WFDC9: variants seen among roughly 807,000 people sequenced by gnomAD.
The protein encoded by WFDC9 is WAP four-disulfide core domain 9.
Under a neutral mutation model 9.5 loss-of-function variants are expected in WFDC9, and 9 were observed. The observed-to-expected ratio is 0.95, with a 90% confidence interval of 0.57 to 1.65. WFDC9 has a LOEUF of 1.65. Ranked by LOEUF, WFDC9 falls within the 40% of genes most tolerant of loss-of-function variation. WFDC9 has a pLI of 0.00. For synonymous variants in WFDC9, 33 were observed against 32.3 expected (o/e 1.02, Z -0.07); for missense variants, 87 against 106.7 (o/e 0.82, Z 0.81).
At chr20:45,630,025 T>C in intron 1 of WFDC9, 1 of 1,381,174 alleles carries the variant, frequency 7.2e-7, no homozygotes, top group Non-Finnish European at 9.9e-7. Context: ...CTGACCACAA[T>C]GTTGTGTAGA....
intron 1 of WFDC9, among the ~76,000 whole-genome samples, chr20:45,616,170 A>G (rs946932840): frequency 6.6e-6 from 1 of 152,232 alleles, no homozygotes; most frequent in Admixed American, 6.5e-5. Context: ...AATTTCGGTC[A>G]ATCCTCTCAA....
rs1171032110 is a variant in WFDC9, at chr20:45,610,190, C to G, written c.-9G>C. On this transcript the variant is annotated 5_prime_UTR_variant, in exon 3 of 5. Coordinates refer to ENST00000326000, the MANE Select transcript of WFDC9 (RefSeq NM_147198.4). ...AGAATCCAGGGCTTCATGGTGCTCTCTGTGTGTATTTGGGTTAAGTTCTGG... is the reference window on the plus strand; with the variant it reads ...AGAATCCAGGGCTTCATGGTGCTCTGTGTGTGTATTTGGGTTAAGTTCTGG... 2 of 1,613,392 alleles carry G rather than the reference C, an allele frequency of 1.2e-6. No individual in the cohort carries two copies. Among genetic ancestry groups the G allele is most frequent in the African/African-American group, 2.7e-5 (2 of 74,876 alleles).
chr20:45,615,196 C>A (rs1981946216), intron 1 of WFDC9, among the ~76,000 whole-genome samples: 1 of 152,126 alleles, frequency 6.6e-6, no homozygotes, highest in Non-Finnish European at 1.5e-5. Context: ...AAGTAGATGA[C>A]CACCTAACAA....
Position 45,608,116 on chromosome 20 carries a change from G to A in WFDC9, c.264C>T (p.Asn88=), listed in dbSNP as rs1568650787. The change falls in exon 5 of 5, where the codon AAC becomes AAT. Residue 88 remains asparagine (N), a synonymous_variant. Transcript: ENST00000326000. ...DNEEPLKSML[N]P ...AGTGATCGGCCAATAGAATCTAGGG[G>A]TTTAGCATTGATTTAAGGGGCTCTC... 1 of 1,613,330 alleles carries A rather than the reference G, an allele frequency of 6.2e-7. No individual in the cohort carries two copies. The highest frequency in any genetic ancestry group is 2.2e-5 in the East Asian group (1 of 44,858).
At position 45,624,416 on chromosome 20, in the gene WFDC9, A is replaced by T. The variant is rs1600923054; in HGVS notation, c.-153+6787T>A. On this transcript the variant is annotated intron_variant, in intron 1 of 4. Transcript: ENST00000326000. ...GGGATTTTATTCCTTTTTGTGGCTGAATAGGATTGTGTTGTATATTTGTAT... is the reference window on the plus strand; with the variant it reads ...GGGATTTTATTCCTTTTTGTGGCTGTATAGGATTGTGTTGTATATTTGTAT... 2.0e-5 allele frequency among the ~76,000 whole-genome samples: 3 copies of T among 152,284 alleles called. No individual in the cohort carries two copies. In the South Asian group the frequency reaches 6.2e-4, roughly 32 times the overall value.
At chr20:45,630,875 C>T (rs930661637) in intron 1 of WFDC9, 6 of 1,598,644 alleles carry the variant, frequency 3.8e-6, no homozygotes, top group Non-Finnish European at 5.1e-6. Context: ...GTCAGAAACA[C>T]AGCTATCCCC....
chr20:45,624,160 C>A (rs927524834), intron 1 of WFDC9, among the ~76,000 whole-genome samples: 1 of 152,142 alleles, frequency 6.6e-6, no homozygotes, highest in African/African-American at 2.4e-5. Context: ...CCACCGCACT[C>A]CAGCCTAGGC....
chr20:45,619,284 T>G (rs2145598952), intron 1 of WFDC9, among the ~76,000 whole-genome samples: 1 of 152,046 alleles, frequency 6.6e-6, no homozygotes, highest in Non-Finnish European at 1.5e-5. Flanking sequence ...AGCCCAGGAG[T>G]GCCAAGGACT....
At chr20:45,608,872 AG>A in intron 3 of WFDC9, 62 bp from the exon 4 acceptor site, 1 of 1,516,574 alleles carries the variant, frequency 6.6e-7, no homozygotes, top group South Asian at 1.3e-5. Context: ...ACCTTTTCTA[AG>A]CTTAACAATC....
chr20:45,611,825 T>C (rs1344697376), intron 2 of WFDC9, among the ~76,000 whole-genome samples: 1 of 152,164 alleles, frequency 6.6e-6, no homozygotes, highest in Admixed American at 6.5e-5. Context: ...CTACCGGATA[T>C]CAAATGCATG....
chr20:45,619,020 A>G (rs1982033641), intron 1 of WFDC9, among the ~76,000 whole-genome samples: 2 of 152,244 alleles, frequency 1.3e-5, no homozygotes, highest in Admixed American at 6.5e-5. Flanking sequence ...TCTGGACTCC[A>G]GGGACTTGGC....
chr20:45,616,167 G>T (rs1981972127), intron 1 of WFDC9, among the ~76,000 whole-genome samples: 1 of 152,176 alleles, frequency 6.6e-6, no homozygotes, highest in Admixed American at 6.6e-5. Context: ...CAAAATTTCG[G>T]TCAATCCTCT....
intron 1 of WFDC9, 136 bp downstream of exon 1, chr20:45,631,067 C>T: frequency 6.6e-7 from 1 of 1,512,222 alleles, no homozygotes; most frequent in Non-Finnish European, 8.8e-7. Context: ...CTCCTCTATC[C>T]AAGACTGTGC....
intron 4 of WFDC9, among the ~76,000 whole-genome samples, chr20:45,608,361 G>A (rs73908163): frequency 0.014 from 2,098 of 152,210 alleles, 52 homozygotes; most frequent in African/African-American, 0.047. Flanking sequence ...CCATGGAGAC[G>A]CCCAACTAAG....
At chr20:45,628,030 T>C (rs2145603444) in intron 1 of WFDC9, among the ~76,000 whole-genome samples, 1 of 152,300 alleles carries the variant, frequency 6.6e-6, no homozygotes. Flanking sequence ...TTACTAAATT[T>C]ACTACTCTAT....
chr20:45,608,613 C>G, intron 4 of WFDC9, 50 bp downstream of exon 4: 1 of 1,573,814 alleles, frequency 6.4e-7, no homozygotes, highest in Non-Finnish European at 8.6e-7. Flanking sequence ...CGGTAAGGAC[C>G]AGTGATGAAG....
intron 2 of WFDC9, among the ~76,000 whole-genome samples, chr20:45,614,197 C>T (rs1981923767): frequency 6.6e-6 from 1 of 152,152 alleles, no homozygotes; most frequent in Non-Finnish European, 1.5e-5. Flanking sequence ...CTGTTTTGCA[C>T]ACCCTCAAGT....
chr20:45,625,842 G>T (rs1982207182), intron 1 of WFDC9, among the ~76,000 whole-genome samples: 1 of 50,896 alleles, frequency 2.0e-5, no homozygotes, highest in Non-Finnish European at 3.4e-5. Context: ...TTGAGACAGA[G>T]TCTTGCTCTT....
rs964381541 is a variant in WFDC9, at chr20:45,608,748, T to C, written c.154A>G (p.Lys52Glu). Residue 52 changes from lysine (K) to glutamate (E), a missense_variant, in exon 4 of 5, where the codon AAA becomes GAA. Transcript: ENST00000326000. Reference sequence around the variant, plus strand: ...CAAGTCATTATTTTAGTACACCTTTTCTCACAGTACTTATATGGAGGCTGT... The same window carrying C: ...CAAGTCATTATTTTAGTACACCTTTCCTCACAGTACTTATATGGAGGCTGT... ...WVQPPYKYCE[K>E]RCTKIMTCVR... The C allele has an allele frequency of 1.9e-6, 3 of 1,614,046 alleles. No homozygotes were observed. Among genetic ancestry groups the C allele is most frequent in the Non-Finnish European group, 2.5e-6 (3 of 1,179,990 alleles).
Sources: allele counts gnomAD v4.1 joint callset (sites outside exome capture counted in the v4.1 genomes callset), GRCh38; gene constraint gnomAD v4.1.1; transcripts MANE v1.5; gene names NCBI Gene and HGNC (gene_info 2026-07-23, HGNC 2026-07-21).